SPMIP4: variants seen among roughly 807,000 people sequenced by gnomAD.
SPMIP4 encodes the protein sperm-associated microtubule inner protein 4.
At chr7:25,163,331 C>A in the SPMIP4 span, among the ~76,000 whole-genome samples, 1 of 151,960 alleles carries the variant, frequency 6.6e-6, no homozygotes, top group Non-Finnish European at 1.5e-5. The surrounding 1 kb of genome is among the most constrained non-coding windows in gnomAD (Gnocchi z 4.4). Flanking sequence ...CTAGAAATAG[C>A]CATATGTCTG....
At chr7:25,152,224 G>A in the SPMIP4 span, among the ~76,000 whole-genome samples, 5 of 152,086 alleles carry the variant, frequency 3.3e-5, no homozygotes, top group Non-Finnish European at 7.4e-5. Flanking sequence ...GCTTTTCTCT[G>A]CCTAAATATC....
chr7:25,179,190 G>C, the SPMIP4 span: 2 of 1,608,256 alleles, frequency 1.2e-6, no homozygotes, highest in Non-Finnish European at 8.5e-7. Context: ...CTCTGAGGCA[G>C]TTGGGCGAGT....
chr7:25,172,605 G>C, the SPMIP4 span, among the ~76,000 whole-genome samples: 1 of 152,154 alleles, frequency 6.6e-6, no homozygotes, highest in Non-Finnish European at 1.5e-5. The surrounding 1 kb of genome is among the most constrained non-coding windows in gnomAD (Gnocchi z 4.2). Context: ...TTTCACATCT[G>C]GGTCAGTGTG....
chr7:25,131,758 T>A, the SPMIP4 span, among the ~76,000 whole-genome samples: 1 of 152,126 alleles, frequency 6.6e-6, no homozygotes, highest in Non-Finnish European at 1.5e-5. This position sits in a 1 kb window ranked among gnomAD's most constrained non-coding sequence, Gnocchi z 4.2. Context: ...AAGCCATGGG[T>A]CACGGAAGAG....
At chr7:25,128,996 T>A in the SPMIP4 span, among the ~76,000 whole-genome samples, 1 of 152,216 alleles carries the variant, frequency 6.6e-6, no homozygotes, top group Non-Finnish European at 1.5e-5. The surrounding 1 kb of genome is among the most constrained non-coding windows in gnomAD (Gnocchi z 4.5). Flanking sequence ...GTGGCTGAGC[T>A]GGTATTCAAG....
At chr7:25,127,116 C>A in the SPMIP4 span, among the ~76,000 whole-genome samples, 1 of 152,100 alleles carries the variant, frequency 6.6e-6, no homozygotes, top group South Asian at 2.1e-4. Flanking sequence ...AGGATTCTTT[C>A]TTTATCCTGG....
the SPMIP4 span, chr7:25,136,290 A>T: frequency 3.1e-5 from 50 of 1,614,088 alleles, no homozygotes; most frequent in Non-Finnish European, 4.2e-5. This position sits in a 1 kb window ranked among gnomAD's most constrained non-coding sequence, Gnocchi z 5.7. Flanking sequence ...CACTAGGTTT[A>T]CTAAGGCTAA....
the SPMIP4 span, among the ~76,000 whole-genome samples, chr7:25,141,548 G>A: frequency 9.3e-6 from 1 of 107,320 alleles, no homozygotes; most frequent in African/African-American, 3.1e-5. Flanking sequence ...CTCCAGCCTG[G>A]CAACAGAGTG....
At chr7:25,160,324 G>A in the SPMIP4 span, among the ~76,000 whole-genome samples, 1 of 76,450 alleles carries the variant, frequency 1.3e-5, no homozygotes, top group African/African-American at 2.9e-5. Context: ...TTGAGATGGA[G>A]TTTTGCTCTT....
the SPMIP4 span, among the ~76,000 whole-genome samples, chr7:25,141,366 G>A: frequency 6.6e-6 from 1 of 152,262 alleles, no homozygotes; most frequent in South Asian, 2.1e-4. Context: ...GAGGTCAGGA[G>A]ATCGAGACCA....
At chr7:25,156,663 G>T in the SPMIP4 span, among the ~76,000 whole-genome samples, 26 of 152,140 alleles carry the variant, frequency 1.7e-4, no homozygotes, top group African/African-American at 6.3e-4. Context: ...AATCAAAGGA[G>T]TCAGGGTTTC....
At chr7:25,149,365 G>C in the SPMIP4 span, among the ~76,000 whole-genome samples, 1 of 152,086 alleles carries the variant, frequency 6.6e-6, no homozygotes, top group African/African-American at 2.4e-5. Flanking sequence ...AGAGATTAGA[G>C]AGAAAAAAAG....
At chr7:25,131,947 C>T in the SPMIP4 span, among the ~76,000 whole-genome samples, 239 of 152,228 alleles carry the variant, frequency 1.6e-3, 1 homozygote, top group African/African-American at 5.5e-3. The surrounding 1 kb of genome is among the most constrained non-coding windows in gnomAD (Gnocchi z 4.2). Flanking sequence ...GGCGGGTCTG[C>T]GACGGCGGCA....
the SPMIP4 span, among the ~76,000 whole-genome samples, chr7:25,152,878 G>A: frequency 9.2e-5 from 14 of 151,712 alleles, no homozygotes; most frequent in Non-Finnish European, 1.6e-4. Flanking sequence ...CAATTAGCCG[G>A]GACTACAGGC....
the SPMIP4 span, chr7:25,142,714 G>T: frequency 6.2e-7 from 1 of 1,612,658 alleles, no homozygotes; most frequent in Non-Finnish European, 8.5e-7. Context: ...TTCTTTGGCA[G>T]AGCAAATAGG....
At chr7:25,132,408 CATT>C in the SPMIP4 span, among the ~76,000 whole-genome samples, 3 of 152,192 alleles carry the variant, frequency 2.0e-5, no homozygotes, top group Non-Finnish European at 2.9e-5. This position sits in a 1 kb window ranked among gnomAD's most constrained non-coding sequence, Gnocchi z 5.0. Flanking sequence ...CTGTATATAT[CATT>C]GACAATGCTA....
chr7:25,126,596 T>C, the SPMIP4 span, among the ~76,000 whole-genome samples: 1 of 152,246 alleles, frequency 6.6e-6, no homozygotes, highest in Non-Finnish European at 1.5e-5. Context: ...CTCCCCACTT[T>C]TAAAACTTTT....
the SPMIP4 span, among the ~76,000 whole-genome samples, chr7:25,169,743 T>C: frequency 1.7e-4 from 26 of 152,132 alleles, no homozygotes; most frequent in South Asian, 2.9e-3. Flanking sequence ...CCTGGCTAAT[T>C]TTTTGTATTT....
the SPMIP4 span, chr7:25,125,861 T>C: frequency 1.0e-6 from 1 of 966,586 alleles, no homozygotes; most frequent in Non-Finnish European, 1.2e-6. Context: ...GTGACCTTGT[T>C]CTAGTTCCAC....
Sources: gnomAD v4.1 joint callset for allele counts (sites outside exome capture counted in the v4.1 genomes callset) on GRCh38, gnomAD v4.1.1 for gene constraint, Gnocchi (gnomAD v3.1) non-coding constraint, MANE v1.5 for transcripts, NCBI Gene and HGNC (gene_info 2026-07-23, HGNC 2026-07-21) for gene names.